The following PTBP2 variants were observed in gnomAD, a reference collection of about 807,000 sequenced individuals.
PTBP2 encodes polypyrimidine tract binding protein 2, also known as polypyrimidine tract-binding protein 2.
Under a neutral mutation model 61.4 loss-of-function variants are expected in PTBP2, and 13 were observed. That is an observed-to-expected ratio of 0.21 (90% confidence interval 0.14 to 0.34). The LOEUF (loss-of-function observed/expected upper bound fraction) is 0.34, where lower values mean the gene tolerates loss of function less well. PTBP2 is among the 10% of genes least tolerant of loss of function. The pLI is 1.00. For synonymous variants in PTBP2, 215 were observed against 218.5 expected (o/e 0.98, Z 0.14); for missense variants, 405 against 642.6 (o/e 0.63, Z 4.00).
chr1:96,813,237 TTGTA>T, intron 13 of PTBP2, 35 bp from the exon 14 acceptor site: 1 of 1,566,828 alleles, frequency 6.4e-7, no homozygotes, highest in Non-Finnish European at 8.6e-7. Flanking sequence ...CCTTTCTAAT[TTGTA>T]TGAAGTGTCT....
intron 2 of PTBP2, among the ~76,000 whole-genome samples, chr1:96,732,614 A>T (rs1183290387): frequency 6.6e-6 from 1 of 152,218 alleles, no homozygotes; most frequent in Non-Finnish European, 1.5e-5. Flanking sequence ...TATGTCTTTT[A>T]GGACTTTAGT....
chr1:96,767,148 T>C (rs951919318), intron 3 of PTBP2, among the ~76,000 whole-genome samples: 1 of 152,170 alleles, frequency 6.6e-6, no homozygotes, highest in East Asian at 1.9e-4. Flanking sequence ...TATCCTTTGA[T>C]TCTCAGAAGT....
chr1:96,728,948 G>C (rs1323656897), intron 2 of PTBP2, among the ~76,000 whole-genome samples: 1 of 151,798 alleles, frequency 6.6e-6, no homozygotes, highest in Non-Finnish European at 1.5e-5. Flanking sequence ...CTAGTGTATA[G>C]AAATGATTAT....
exon 14 of PTBP2, chr1:96,820,076 CATAAG>C (rs1325458969): frequency 6.6e-6 from 1 of 151,852 alleles, no homozygotes; most frequent in Non-Finnish European, 1.5e-5. Context: ...TAGACATTGA[CATAAG>C]AGACATTTAA....
intron 8 of PTBP2, among the ~76,000 whole-genome samples, chr1:96,801,758 T>TG (rs1317747196): frequency 2.0e-5 from 3 of 149,996 alleles, no homozygotes; most frequent in Non-Finnish European, 3.0e-5. Flanking sequence ...CTACTCGAGA[T>TG]GCTGAGGCAG....
At chr1:96,749,439 G>A (rs906051061) in intron 2 of PTBP2, among the ~76,000 whole-genome samples, 4 of 152,138 alleles carry the variant, frequency 2.6e-5, no homozygotes, top group African/African-American at 7.2e-5. Flanking sequence ...AACAAATAAG[G>A]CATTGACAAT....
At position 96,804,894 on chromosome 1, in the gene PTBP2, A is replaced by T; in HGVS notation, c.999A>T (p.Ser333=). ...GCCGAGTGGGTATGCCTGGAGTCTCAGCTGGTGGCAATACAGTCCTGTTGG... is the reference window on the plus strand; with the variant it reads ...GCCGAGTGGGTATGCCTGGAGTCTCTGCTGGTGGCAATACAGTCCTGTTGG... ...AAGRVGMPGV[S]AGGNTVLLVS... is the part of the protein sequence containing the mutation. Residue 333 remains serine, a synonymous_variant, in exon 9 of 14, where the codon TCA becomes TCT. Transcript: ENST00000674951. 1 of 1,611,076 alleles carries T rather than the reference A, an allele frequency of 6.2e-7. No individual in the cohort carries two copies. Among genetic ancestry groups the T allele is most frequent in the Non-Finnish European group, 8.5e-7 (1 of 1,178,294 alleles).
At position 96,776,021 on chromosome 1, in the gene PTBP2, C is replaced by A. The variant is rs973796363; in HGVS notation, c.433-1564C>A. On this transcript the variant is annotated intron_variant, in intron 5 of 13. Coordinates refer to ENST00000674951, the MANE Select transcript of PTBP2 (RefSeq NM_021190.4). ...CTCTGGAAGGATATCGAAGATAATA[C>A]TGTGAGGGGTTGGTAGGGGAAAATA... 4.0e-5 allele frequency among the ~76,000 whole-genome samples: 6 copies of A among 151,784 alleles called. No individual in the cohort carries two copies. In the East Asian group the frequency reaches 1.2e-3, roughly 29 times the overall value.
chr1:96,726,691 C>A (rs1297482517), intron 2 of PTBP2, among the ~76,000 whole-genome samples: 1 of 152,136 alleles, frequency 6.6e-6, no homozygotes, highest in Non-Finnish European at 1.5e-5. Flanking sequence ...CCTGCCTCGG[C>A]CTCCCAAAGT....
intron 2 of PTBP2, among the ~76,000 whole-genome samples, chr1:96,745,598 G>A (rs1173790454): frequency 6.6e-6 from 1 of 152,010 alleles, no homozygotes; most frequent in East Asian, 1.9e-4. Context: ...TATGGAAACG[G>A]TATGCCTATA....
intron 7 of PTBP2, among the ~76,000 whole-genome samples, chr1:96,783,899 C>G (rs913064441): frequency 1.3e-5 from 2 of 152,044 alleles, no homozygotes; most frequent in African/African-American, 4.8e-5. Flanking sequence ...TATGAACTCT[C>G]TTTCAGTTTT....
At position 96,813,538 on chromosome 1, in the gene PTBP2, G is replaced by A; in HGVS notation, c.*133G>A. On this transcript the variant is annotated 3_prime_UTR_variant, in exon 14 of 14. Coordinates refer to ENST00000674951, the MANE Select transcript of PTBP2 (RefSeq NM_021190.4). ...TTTGGGGTTTCTTTTTTTTTTCCAT[G>A]CTGTTATCATTCCTTGGTTATAAAA... is the stretch of plus-strand genomic sequence containing the variant. 1.2e-6 allele frequency: 1 copy of A among 841,322 alleles called. No individual in the cohort carries two copies. 52.1% of individuals were successfully genotyped at this position (841,322 alleles called of 1,614,324 possible).
Position 96,739,201 on chromosome 1 carries a change from T to C in PTBP2, c.40-12224T>C, listed in dbSNP as rs1446243655. ...TTTTAAGTATTTTATGATAAAGTTATTAATATTGATAAAGTTATTAATGTT... is the reference window on the plus strand; with the variant it reads ...TTTTAAGTATTTTATGATAAAGTTACTAATATTGATAAAGTTATTAATGTT... On this transcript the variant is annotated intron_variant, in intron 2 of 13. Transcript: ENST00000674951. Among the ~76,000 whole-genome samples the C allele has an allele frequency of 3.9e-5, 6 of 152,180 alleles. No individual in the cohort carries two copies. The East Asian group carries it at 7.7e-4, about 20-fold the overall frequency.
chr1:96,822,003 G>A (rs1170068185), exon 14 of PTBP2: 1 of 152,082 alleles, frequency 6.6e-6, no homozygotes, highest in Non-Finnish European at 1.5e-5. Flanking sequence ...CTATGTGCCA[G>A]CTTAGATGCT....
Position 96,777,768 on chromosome 1 carries a change from A to T in PTBP2, c.597+19A>T, listed in dbSNP as rs1195749099. On this transcript the variant is annotated intron_variant, in intron 6 of 13. Transcript: ENST00000674951. ...TCACCAAGTAAGTTTAATCTGCATAATTACCTATAAATTAGAGAAATAATA... is the reference window on the plus strand; with the variant it reads ...TCACCAAGTAAGTTTAATCTGCATATTTACCTATAAATTAGAGAAATAATA... 1 of 1,567,740 alleles carries T rather than the reference A, an allele frequency of 6.4e-7. No individual in the cohort carries two copies. The highest frequency in any genetic ancestry group is 8.7e-7 in the Non-Finnish European group (1 of 1,150,722).
intron 7 of PTBP2, among the ~76,000 whole-genome samples, chr1:96,780,044 C>T (rs1053892488): frequency 6.6e-6 from 1 of 151,874 alleles, no homozygotes; most frequent in Non-Finnish European, 1.5e-5. Flanking sequence ...CTCACTCTCA[C>T]TTGCTTGAAG....
At chr1:96,752,426 G>A (rs914296104) in intron 3 of PTBP2, among the ~76,000 whole-genome samples, 9 of 151,964 alleles carry the variant, frequency 5.9e-5, no homozygotes, top group African/African-American at 2.2e-4. Flanking sequence ...CATACATCTT[G>A]ACACACACAA....
chr1:96,759,647 A>G (rs1424022221), intron 3 of PTBP2, among the ~76,000 whole-genome samples: 1 of 152,222 alleles, frequency 6.6e-6, no homozygotes, highest in African/African-American at 2.4e-5. Flanking sequence ...CTTAAAATAG[A>G]AAAATCTTAA....
intron 3 of PTBP2, among the ~76,000 whole-genome samples, chr1:96,761,946 C>G (rs970638703): frequency 2.1e-4 from 32 of 151,812 alleles, no homozygotes; most frequent in East Asian, 5.8e-4. Context: ...TGACTCTTAA[C>G]GAGCATGCTG....
Sources: gnomAD v4.1 joint callset for allele counts (sites outside exome capture counted in the v4.1 genomes callset) on GRCh38, gnomAD v4.1.1 for gene constraint, MANE v1.5 for transcripts, NCBI Gene and HGNC (gene_info 2026-07-23, HGNC 2026-07-21) for gene names.